Variants in CYP2U1 observed in about 807,000 individuals in gnomAD.
CYP2U1 encodes the protein cytochrome P450 family 2 subfamily U member 1.
A neutral mutation model predicts 42.8 loss-of-function variants in CYP2U1; 28 were observed. That is an observed-to-expected ratio of 0.65 (90% CI 0.48 to 0.90). CYP2U1 has a LOEUF of 0.90. Among genes scored for constraint, CYP2U1 ranks in the 40% least tolerant of loss-of-function variants. The probability of loss-of-function intolerance (pLI) is 0.00; values close to 1 mark genes in which losing one functional copy is unlikely to be tolerated. For synonymous variants in CYP2U1, 296 were observed against 278.9 expected (o/e 1.06, Z -0.61); for missense variants, 642 against 693.8 (o/e 0.93, Z 0.84).
rs1334725440 is a variant in CYP2U1, at chr4:107,947,409, G to A, written c.1160G>A (p.Gly387Asp). Residue 387 changes from glycine to aspartate, a missense_variant, in exon 3 of 5, where the codon GGC (glycine) becomes GAC (aspartate). Transcript: ENST00000332884. ...CATGAAGAAATTGAAAGAGTCATTGGCGCCAACCGAGCTCCTTCCCTCACA... is the reference window on the plus strand; with the variant it reads ...CATGAAGAAATTGAAAGAGTCATTGACGCCAACCGAGCTCCTTCCCTCACA... ...KVHEEIERVIGANRAPSLTDK... is the reference protein window; with the variant it reads ...KVHEEIERVIDANRAPSLTDK... The A allele has an allele frequency of 6.2e-7, 1 of 1,614,026 alleles. No homozygotes were observed.
rs1216561872 is a variant in CYP2U1 at position 107,931,638 on chromosome 4, C to T, written c.-6C>T. The T allele has an allele frequency of 1.6e-6, 2 of 1,255,152 alleles. No individual in the cohort carries two copies. Among genetic ancestry groups the T allele is most frequent in the Non-Finnish European group, 2.0e-6 (2 of 1,003,978 alleles). 77.8% of individuals were successfully genotyped at this position (1,255,152 alleles called of 1,614,324 possible). On this transcript the variant is annotated 5_prime_UTR_variant, in exon 1 of 5. Coordinates refer to ENST00000332884, the MANE Select transcript of CYP2U1 (RefSeq NM_183075.3). ...AGGGGAACCCGAGGCCGCCGGCGCC[C>T]GGACCATGTCGTCTCCGGGGCCGTC...
In CYP2U1 at chr4:107,931,654, C is replaced by CA; in HGVS notation, c.11_12insA (p.Pro6AlafsTer92). ...GCCGGCGCCCGGACCATGTCGTCTC[C>CA]GGGGCCGTCGCAGCCGCCGGCCGAG... On this transcript the variant is annotated frameshift_variant, in exon 1 of 5. Transcript: ENST00000332884. LOFTEE classifies it high-confidence loss of function. 1 of 1,261,310 alleles carries CA rather than the reference C, an allele frequency of 7.9e-7. No homozygotes were observed. The highest frequency in any genetic ancestry group is 3.1e-5 in the South Asian group (1 of 32,032). The allele number at this position is 1,261,310 out of a possible 1,614,324, so 78.1% of individuals were successfully genotyped here. A position where few individuals can be genotyped will look rare whatever the true frequency, so the allele number is the denominator to read the frequency against.
At chr4:107,935,616 T>A (rs1053190659) in intron 1 of CYP2U1, 2 of 152,038 alleles carry the variant, frequency 1.3e-5, no homozygotes, top group African/African-American at 4.8e-5. Flanking sequence ...GAGTGAAGAA[T>A]AAAAAGGGAG....
At chr4:107,946,608 C>T (rs1733706317) in intron 2 of CYP2U1, among the ~76,000 whole-genome samples, 1 of 151,922 alleles carries the variant, frequency 6.6e-6, no homozygotes, top group African/African-American at 2.4e-5. Flanking sequence ...TAGCAAACTA[C>T]CCCCAAATTT....
intron 1 of CYP2U1, 61 bp downstream of exon 1, chr4:107,932,194 G>A: frequency 7.9e-6 from 12 of 1,527,934 alleles, no homozygotes; most frequent in Non-Finnish European, 1.1e-5. Flanking sequence ...CCAGGTGCGT[G>A]GGGGCTGCAG....
intron 1 of CYP2U1, chr4:107,938,587 C>T (rs1733363279): frequency 6.6e-6 from 1 of 152,122 alleles, no homozygotes; most frequent in South Asian, 2.1e-4. Context: ...AGGAAGAGTT[C>T]TGTGACAGTA....
chr4:107,940,942 T>C (rs1733471041), intron 1 of CYP2U1: 1 of 152,156 alleles, frequency 6.6e-6, no homozygotes, highest in East Asian at 1.9e-4. Flanking sequence ...TCCAATTATA[T>C]GTTGTTTTAA....
intron 1 of CYP2U1, chr4:107,936,404 G>T (rs1733268278): frequency 6.6e-6 from 1 of 152,334 alleles, no homozygotes; most frequent in African/African-American, 2.4e-5. Context: ...ACCAGAGTGG[G>T]TTAGTTATTG....
rs80148343 is a variant in CYP2U1 at position 107,934,887 on chromosome 4, A to G, written c.490+2754A>G. 8.5e-3 allele frequency among the ~76,000 whole-genome samples: 1,290 copies of G among 152,176 alleles called. 18 individuals carry two copies. The highest frequency in any genetic ancestry group is 0.029 in the African/African-American group (1,213 of 41,506). ...AATGCCCAGTACCACCTCTTATTTT[A>G]TCTCATTCATATTTTTCTCAGTAAA... On this transcript the variant is annotated intron_variant, in intron 1 of 4. Transcript: ENST00000332884.
intron 3 of CYP2U1, among the ~76,000 whole-genome samples, chr4:107,947,824 T>C (rs2126201372): frequency 6.6e-6 from 1 of 152,336 alleles, no homozygotes; most frequent in Admixed American, 6.5e-5. Context: ...AAATTGGCTA[T>C]GTTGGCAGAA....
At chr4:107,935,938 T>C (rs1489899335) in intron 1 of CYP2U1, 1 of 152,248 alleles carries the variant, frequency 6.6e-6, no homozygotes, top group African/African-American at 2.4e-5. Flanking sequence ...GAAAGAACTT[T>C]GCTGCTGAAG....
chr4:107,934,799 CTGAT>C (rs1342788168), intron 1 of CYP2U1, among the ~76,000 whole-genome samples: 1 of 152,238 alleles, frequency 6.6e-6, no homozygotes, highest in Non-Finnish European at 1.5e-5. Flanking sequence ...TCTTACTTGA[CTGAT>C]TGCTTGTCAT....
intron 1 of CYP2U1, 41 bp downstream of exon 1, chr4:107,932,174 G>C (rs1355700566): frequency 1.9e-6 from 3 of 1,572,498 alleles, no homozygotes; most frequent in Non-Finnish European, 1.7e-6. Context: ...CGGATGCCGC[G>C]GATGAGTCTC....
At chr4:107,932,765 G>A (rs577575303) in intron 1 of CYP2U1, among the ~76,000 whole-genome samples, 14 of 152,260 alleles carry the variant, frequency 9.2e-5, no homozygotes, top group African/African-American at 2.9e-4. Flanking sequence ...GGCTGGCTTA[G>A]GTCTCTGACT....
chr4:107,932,435 C>T (rs935875410), intron 1 of CYP2U1, among the ~76,000 whole-genome samples: 3 of 152,188 alleles, frequency 2.0e-5, no homozygotes, highest in Non-Finnish European at 4.4e-5. Flanking sequence ...AGCCAGGTTC[C>T]ATCTTTCCAA....
chr4:107,948,718 A>G (rs11930602), intron 3 of CYP2U1, among the ~76,000 whole-genome samples: 49 of 152,254 alleles, frequency 3.2e-4, no homozygotes, highest in African/African-American at 1.1e-3. Flanking sequence ...CATCCCTATT[A>G]ACAAAGAATT....
Position 107,931,635 on chromosome 4 carries a change from G to A in CYP2U1, c.-9G>A, listed in dbSNP as rs1347433573. On this transcript the variant is annotated 5_prime_UTR_variant, in exon 1 of 5. Coordinates refer to ENST00000332884, the MANE Select transcript of CYP2U1 (RefSeq NM_183075.3). ...GCAAGGGGAACCCGAGGCCGCCGGCGCCCGGACCATGTCGTCTCCGGGGCC... is the reference window on the plus strand; with the variant it reads ...GCAAGGGGAACCCGAGGCCGCCGGCACCCGGACCATGTCGTCTCCGGGGCC... The A allele has an allele frequency of 1.6e-6, 2 of 1,255,438 alleles. No homozygotes were observed. Among genetic ancestry groups the A allele is most frequent in the South Asian group, 3.4e-5 (1 of 29,818 alleles). The allele number at this position is 1,255,438 out of a possible 1,614,324, so 77.8% of individuals were successfully genotyped here. A position where few individuals can be genotyped will look rare whatever the true frequency, so the allele number is the denominator to read the frequency against.
intron 2 of CYP2U1, among the ~76,000 whole-genome samples, chr4:107,945,880 A>T (rs766112322): frequency 2.0e-5 from 3 of 152,214 alleles, no homozygotes; most frequent in Non-Finnish European, 4.4e-5. Flanking sequence ...AGAGAAGAAC[A>T]TTCTAGAGCT....
rs757429377 is a variant in CYP2U1, at chr4:107,945,164, T to A, written c.685T>A (p.Ser229Thr). The change falls in exon 2 of 5, where the codon TCT becomes ACT. Residue 229 changes from serine (S) to threonine (T), a missense_variant. Ser to Thr is a moderately conservative substitution (Grantham distance 58). Coordinates refer to ENST00000332884, the MANE Select transcript of CYP2U1 (RefSeq NM_183075.3). ...TTTCTCCATCATCAGCAATGCCGTC[T>A]CTAACATCATTTGCTCCTTGTGCTT... ...CPFSIISNAV[S>T]NIICSLCFGQ... 2 of 1,614,042 alleles carry A rather than the reference T, an allele frequency of 1.2e-6. No individual in the cohort carries two copies. Among genetic ancestry groups the A allele is most frequent in the Non-Finnish European group, 1.7e-6 (2 of 1,180,006 alleles).
Sources: gnomAD v4.1 joint callset for allele counts (sites outside exome capture counted in the v4.1 genomes callset) on GRCh38, gnomAD v4.1.1 for gene constraint, MANE v1.5 for transcripts, NCBI Gene and HGNC (gene_info 2026-07-23, HGNC 2026-07-21) for gene names.